FAF1: variants seen among roughly 807,000 people sequenced by gnomAD.
The protein encoded by FAF1 is Fas associated factor 1.
Under a neutral mutation model 92.5 loss-of-function variants are expected in FAF1, and 25 were observed. That is an observed-to-expected ratio of 0.27 (90% confidence interval 0.20 to 0.38). The LOEUF is 0.38. Ranked by LOEUF, FAF1 falls within the 10% of genes least tolerant of loss-of-function variation. The probability of loss-of-function intolerance (pLI) is 1.00; values close to 1 mark genes in which losing one functional copy is unlikely to be tolerated. For synonymous variants in FAF1, 234 were observed against 273.2 expected (o/e 0.86, Z 1.42); for missense variants, 636 against 793.3 (o/e 0.80, Z 2.38).
intron 18 of FAF1, among the ~76,000 whole-genome samples, chr1:50,475,171 G>A (rs929273333): frequency 3.3e-5 from 5 of 152,148 alleles, no homozygotes; most frequent in Admixed American, 1.3e-4. Flanking sequence ...TCTCATTTGA[G>A]GAATACAGAT....
At chr1:50,714,172 T>C (rs1042534220) in intron 6 of FAF1, among the ~76,000 whole-genome samples, 2 of 152,018 alleles carry the variant, frequency 1.3e-5, no homozygotes, top group African/African-American at 4.8e-5. Context: ...ATAAATATTT[T>C]TTTTCTTCAT....
intron 1 of FAF1, among the ~76,000 whole-genome samples, chr1:50,959,017 G>T (rs770030776): frequency 9.9e-5 from 15 of 152,222 alleles, no homozygotes; most frequent in Non-Finnish European, 1.5e-4. Context: ...ATACTTACAT[G>T]TCAGTGGCAC....
At chr1:50,742,466 C>T (rs1057452683) in intron 5 of FAF1, among the ~76,000 whole-genome samples, 1 of 152,158 alleles carries the variant, frequency 6.6e-6, no homozygotes, top group African/African-American at 2.4e-5. Flanking sequence ...TCACTGCAAC[C>T]TCCACCTCCC....
intron 4 of FAF1, among the ~76,000 whole-genome samples, chr1:50,779,470 G>A (rs993222640): frequency 6.6e-6 from 1 of 152,030 alleles, no homozygotes; most frequent in African/African-American, 2.4e-5. Context: ...ATTACTCCAT[G>A]ATCCATGGGC....
chr1:50,769,397 C>A (rs1367769809), intron 4 of FAF1, among the ~76,000 whole-genome samples: 4 of 152,160 alleles, frequency 2.6e-5, no homozygotes, highest in African/African-American at 9.7e-5. Flanking sequence ...CCTACTAAAA[C>A]CATTCCAAAT....
At chr1:50,525,179 C>T (rs186757955) in intron 15 of FAF1, among the ~76,000 whole-genome samples, 1 of 152,202 alleles carries the variant, frequency 6.6e-6, no homozygotes, top group Non-Finnish European at 1.5e-5. Flanking sequence ...AGCCACTGTG[C>T]CTGGCCCCCA....
chr1:50,752,190 C>T (rs1012057464), intron 4 of FAF1, among the ~76,000 whole-genome samples: 6 of 152,142 alleles, frequency 3.9e-5, no homozygotes, highest in South Asian at 4.2e-4. Context: ...AGGCTGGTCT[C>T]GAACTCCTGA....
intron 18 of FAF1, among the ~76,000 whole-genome samples, chr1:50,453,434 G>A (rs972328789): frequency 3.9e-5 from 6 of 152,180 alleles, no homozygotes; most frequent in Admixed American, 3.3e-4. Flanking sequence ...AAGACTTGCC[G>A]GTGTGATTTA....
rs185002826 is a variant in FAF1 at position 50,782,717 on chromosome 1, G to A, written c.367+5283C>T. Reference sequence around the variant, plus strand: ...TAAAAGTTTTAAAATTTATAAAGTAGAAAAGTTACAGTAAGCTAAGGTTAA... The same window carrying A: ...TAAAAGTTTTAAAATTTATAAAGTAAAAAAGTTACAGTAAGCTAAGGTTAA... On this transcript the variant is annotated intron_variant, in intron 4 of 18. Transcript: ENST00000396153. Among the ~76,000 whole-genome samples, 42 of 152,012 alleles carry A rather than the reference G, an allele frequency of 2.8e-4. No homozygotes were observed. In the East Asian group the frequency reaches 7.9e-3, roughly 29 times the overall value.
intron 2 of FAF1, among the ~76,000 whole-genome samples, chr1:50,814,273 T>C (rs1224776167): frequency 6.6e-6 from 1 of 152,206 alleles, no homozygotes; most frequent in East Asian, 1.9e-4. Flanking sequence ...TAGCTGCATA[T>C]TATATGTACA....
chr1:50,711,889 A>G (rs1657950359), intron 6 of FAF1, among the ~76,000 whole-genome samples: 1 of 152,214 alleles, frequency 6.6e-6, no homozygotes, highest in Non-Finnish European at 1.5e-5. Context: ...AGCCTGCTCC[A>G]TTCACTTAGC....
At chr1:50,489,509 C>T (rs977028405) in intron 17 of FAF1, among the ~76,000 whole-genome samples, 7 of 152,186 alleles carry the variant, frequency 4.6e-5, no homozygotes, top group African/African-American at 1.7e-4. Context: ...GCCTACTGCA[C>T]CTTAGGCATA....
chr1:50,561,882 G>GAAGGAAGGAAGGAAGA (rs1553227097), intron 13 of FAF1, among the ~76,000 whole-genome samples: 3,335 of 145,172 alleles, frequency 0.023, 55 homozygotes, highest in African/African-American at 0.034. Flanking sequence ...AGGAAGGAAG[G>GAAGGAAGGAAGGAAGA]AAGGAAGGAA....
At chr1:50,613,833 T>C (rs1652785790) in intron 8 of FAF1, among the ~76,000 whole-genome samples, 1 of 151,940 alleles carries the variant, frequency 6.6e-6, no homozygotes. Flanking sequence ...GCATGGTGGC[T>C]CACACCTGTA....
chr1:50,844,260 T>C (rs978018443), intron 2 of FAF1, among the ~76,000 whole-genome samples: 78 of 152,290 alleles, frequency 5.1e-4, no homozygotes, highest in African/African-American at 1.7e-3. Flanking sequence ...GAATTCCTTA[T>C]ATAGCCTGGT....
At chr1:50,691,083 A>G (rs1382169601) in intron 7 of FAF1, among the ~76,000 whole-genome samples, 2 of 152,222 alleles carry the variant, frequency 1.3e-5, no homozygotes, top group Non-Finnish European at 2.9e-5. Context: ...CTTGTTACAT[A>G]TCTAGGAGTA....
intron 5 of FAF1, among the ~76,000 whole-genome samples, chr1:50,740,766 A>C (rs1659350684): frequency 6.6e-6 from 1 of 152,182 alleles, no homozygotes; most frequent in Non-Finnish European, 1.5e-5. Context: ...ACATCCTGAA[A>C]CTTTATGTCA....
intron 5 of FAF1, among the ~76,000 whole-genome samples, chr1:50,744,080 G>C (rs1314841633): frequency 6.6e-6 from 1 of 151,690 alleles, no homozygotes; most frequent in South Asian, 2.1e-4. Flanking sequence ...AAAAAAAAAA[G>C]TGTGTAAAAA....
intron 1 of FAF1, among the ~76,000 whole-genome samples, chr1:50,911,141 C>G (rs751146398): frequency 1.3e-5 from 2 of 151,802 alleles, no homozygotes; most frequent in African/African-American, 4.8e-5. Flanking sequence ...GGTGTGATCT[C>G]AGCTCACTGC....
Sources: allele counts gnomAD v4.1 joint callset (sites outside exome capture counted in the v4.1 genomes callset), GRCh38; gene constraint gnomAD v4.1.1; transcripts MANE v1.5; gene names NCBI Gene and HGNC (gene_info 2026-07-23, HGNC 2026-07-21).